The following ADK variants were observed in gnomAD, a reference collection of about 807,000 sequenced individuals.
The protein encoded by ADK is adenosine kinase.
A neutral mutation model predicts 44.7 loss-of-function variants in ADK; 24 were observed. The ratio of observed to expected loss-of-function variants is 0.54; its 90% CI spans 0.39 to 0.76. ADK has a LOEUF of 0.76. Among genes scored for constraint, ADK ranks in the 30% least tolerant of loss-of-function variants. The probability of loss-of-function intolerance (pLI) is 0.00; values close to 1 mark genes in which losing one functional copy is unlikely to be tolerated. For missense variants in ADK, 321 were observed against 425.1 expected (o/e 0.76, Z 2.15); for synonymous variants, 128 against 142.6 (o/e 0.90, Z 0.73).
At chr10:74,514,952 G>A (rs1848504442) in intron 6 of ADK, among the ~76,000 whole-genome samples, 1 of 152,130 alleles carries the variant, frequency 6.6e-6, no homozygotes, top group South Asian at 2.1e-4. Flanking sequence ...AACTCCCCAA[G>A]TAGCTGGAAC....
chr10:74,420,257 CAGGA>C (rs1020773566), intron 6 of ADK, among the ~76,000 whole-genome samples: 16 of 152,138 alleles, frequency 1.1e-4, no homozygotes, highest in African/African-American at 3.9e-4. Context: ...TGGTTGGGGT[CAGGA>C]AGGGGAAAGA....
chr10:74,271,779 A>G (rs1846441250), intron 3 of ADK, among the ~76,000 whole-genome samples: 1 of 151,866 alleles, frequency 6.6e-6, no homozygotes, highest in South Asian at 2.1e-4. Flanking sequence ...ATATTCAGGT[A>G]TATTTTAAGG....
At chr10:74,281,907 G>T (rs144661407) in intron 3 of ADK, among the ~76,000 whole-genome samples, 1 of 152,090 alleles carries the variant, frequency 6.6e-6, no homozygotes, top group Non-Finnish European at 1.5e-5. Context: ...TTAATCTTTT[G>T]TTTTGGTATG....
At chr10:74,354,179 C>T (rs1842060322) in intron 4 of ADK, among the ~76,000 whole-genome samples, 1 of 152,198 alleles carries the variant, frequency 6.6e-6, no homozygotes, top group Non-Finnish European at 1.5e-5. Context: ...AGAAGGTGAA[C>T]TCATTGTCTT....
chr10:74,700,298 A>G (rs1031840594), intron 10 of ADK, among the ~76,000 whole-genome samples: 29 of 152,240 alleles, frequency 1.9e-4, no homozygotes, highest in African/African-American at 7.0e-4. Context: ...GTTGGAGTGC[A>G]GTGGCGTGAT....
At chr10:74,431,711 A>G (rs890834689) in intron 6 of ADK, among the ~76,000 whole-genome samples, 2 of 151,652 alleles carry the variant, frequency 1.3e-5, no homozygotes, top group Admixed American at 1.3e-4. Flanking sequence ...ACTGTGCTCC[A>G]GCCTGGGCAA....
chr10:74,190,898 C>T (rs1334145592), intron 1 of ADK, among the ~76,000 whole-genome samples: 1 of 151,922 alleles, frequency 6.6e-6, no homozygotes, highest in East Asian at 1.9e-4. Flanking sequence ...TGAGATGCAG[C>T]CATCTTTTTT....
chr10:74,377,294 A>T (rs1397571433), intron 4 of ADK, among the ~76,000 whole-genome samples: 1 of 152,210 alleles, frequency 6.6e-6, no homozygotes, highest in African/African-American at 2.4e-5. Flanking sequence ...TGGGAAGCAC[A>T]GCCTCTGGAT....
At chr10:74,618,352 G>A (rs1293790421) in intron 9 of ADK, among the ~76,000 whole-genome samples, 11 of 151,976 alleles carry the variant, frequency 7.2e-5, no homozygotes, top group Non-Finnish European at 1.6e-4. Context: ...GTGCAGTGGT[G>A]TGATCTCAGC....
At chr10:74,502,424 C>T (rs1847914624) in intron 6 of ADK, among the ~76,000 whole-genome samples, 1 of 151,986 alleles carries the variant, frequency 6.6e-6, no homozygotes, top group Admixed American at 6.6e-5. Context: ...GAGGTTTATT[C>T]CCTGCAGCAC....
At position 74,201,490 on chromosome 10, in the gene ADK, T is replaced by A. The variant is rs191161325; in HGVS notation, c.140+652T>A. Reference sequence around the variant, plus strand: ...GAGACATGCACCACGTCCACATAACTTTTATTACAGTATATTTTAATAGTT... The same window carrying A: ...GAGACATGCACCACGTCCACATAACATTTATTACAGTATATTTTAATAGTT... On this transcript the variant is annotated intron_variant, in intron 2 of 10. Transcript: ENST00000539909. Among the ~76,000 whole-genome samples the A allele has an allele frequency of 2.7e-3, 418 of 152,294 alleles. 1 individual carries two copies. The highest frequency in any genetic ancestry group is 9.6e-3 in the African/African-American group (400 of 41,564).
chr10:74,464,389 T>G (rs952410233), intron 6 of ADK, among the ~76,000 whole-genome samples: 1 of 150,394 alleles, frequency 6.6e-6, no homozygotes, highest in Non-Finnish European at 1.5e-5. Context: ...CTCTATTAAT[T>G]TAAAAAAAAA....
At chr10:74,175,968 C>G (rs1842323014) in intron 1 of ADK, among the ~76,000 whole-genome samples, 1 of 126,600 alleles carries the variant, frequency 7.9e-6, no homozygotes, top group African/African-American at 3.2e-5. Flanking sequence ...CTTTTCCCCT[C>G]TATGGTCTTA....
intron 4 of ADK, among the ~76,000 whole-genome samples, chr10:74,323,048 G>T (rs1421844945): frequency 6.6e-6 from 1 of 152,042 alleles, no homozygotes; most frequent in Non-Finnish European, 1.5e-5. Flanking sequence ...AGTGTTTCTG[G>T]GTATGACATT....
chr10:74,223,052 A>G (rs544881705), intron 2 of ADK, among the ~76,000 whole-genome samples: 12 of 152,192 alleles, frequency 7.9e-5, no homozygotes, highest in African/African-American at 2.9e-4. Context: ...ATTTTAGGCC[A>G]TTTTCTGTTA....
intron 9 of ADK, among the ~76,000 whole-genome samples, chr10:74,611,843 T>C (rs545218793): frequency 1.3e-5 from 2 of 152,306 alleles, no homozygotes; most frequent in Admixed American, 6.5e-5. Context: ...ACATGGTGTA[T>C]ATGTACCACA....
intron 9 of ADK, among the ~76,000 whole-genome samples, chr10:74,612,258 ATGTT>A (rs1852582682): frequency 6.6e-6 from 1 of 152,018 alleles, no homozygotes; most frequent in African/African-American, 2.4e-5. Context: ...GGCTGCTTGT[ATGTT>A]CCCATTTTTA....
chr10:74,384,344 G>A (rs1271328942), intron 4 of ADK, among the ~76,000 whole-genome samples: 2 of 152,108 alleles, frequency 1.3e-5, no homozygotes, highest in Non-Finnish European at 2.9e-5. Flanking sequence ...TTCTATGATA[G>A]GAATGATACA....
At chr10:74,582,951 A>ATT (rs1222643564) in intron 7 of ADK, among the ~76,000 whole-genome samples, 2 of 152,222 alleles carry the variant, frequency 1.3e-5, no homozygotes, top group Non-Finnish European at 2.9e-5. Flanking sequence ...CCAGACTCAC[A>ATT]TTTTATGCAA....
Sources: allele counts gnomAD v4.1 joint callset (sites outside exome capture counted in the v4.1 genomes callset), GRCh38; gene constraint gnomAD v4.1.1; transcripts MANE v1.5; gene names NCBI Gene and HGNC (gene_info 2026-07-23, HGNC 2026-07-21).